The following INPP4B variants were observed in gnomAD, a reference collection of about 807,000 sequenced individuals.
The protein encoded by INPP4B is inositol polyphosphate 4-phosphatase type II.
Under a neutral mutation model 122.5 loss-of-function variants are expected in INPP4B, and 55 were observed. That is an observed-to-expected ratio of 0.45 (90% confidence interval 0.36 to 0.56). The LOEUF is 0.56. Among genes scored for constraint, INPP4B ranks in the 20% least tolerant of loss-of-function variants. The pLI is 0.00. For synonymous variants in INPP4B, 403 were observed against 388.7 expected (o/e 1.04, Z -0.43); for missense variants, 1,000 against 1,097.7 (o/e 0.91, Z 1.26).
intron 2 of INPP4B, among the ~76,000 whole-genome samples, chr4:142,649,831 G>A (rs1752566973): frequency 6.6e-6 from 1 of 152,162 alleles, no homozygotes; most frequent in Admixed American, 6.5e-5. Flanking sequence ...ACCTAGCAAA[G>A]CAGGCCAACA....
intron 1 of INPP4B, among the ~76,000 whole-genome samples, chr4:142,761,931 G>A (rs1006142480): frequency 2.0e-5 from 3 of 152,138 alleles, no homozygotes; most frequent in Admixed American, 2.0e-4. Flanking sequence ...GAACTAGCCA[G>A]ATTATGGTTC....
At chr4:142,385,215 C>T (rs1389182036) in intron 7 of INPP4B, among the ~76,000 whole-genome samples, 1 of 152,210 alleles carries the variant, frequency 6.6e-6, no homozygotes, top group Non-Finnish European at 1.5e-5. Flanking sequence ...AACTAATTTA[C>T]ACTCCCACTA....
intron 9 of INPP4B, among the ~76,000 whole-genome samples, chr4:142,302,708 T>A (rs984895760): frequency 6.6e-6 from 1 of 152,122 alleles, no homozygotes; most frequent in Non-Finnish European, 1.5e-5. Context: ...ATTATAATCC[T>A]CCATACAGAA....
chr4:142,331,519 C>T (rs1430772885), intron 7 of INPP4B, among the ~76,000 whole-genome samples: 1 of 152,140 alleles, frequency 6.6e-6, no homozygotes, highest in East Asian at 1.9e-4. Flanking sequence ...CAATCATCCC[C>T]CCTCTCACAT....
At chr4:142,366,763 G>A (rs1184270896) in intron 7 of INPP4B, among the ~76,000 whole-genome samples, 1 of 152,130 alleles carries the variant, frequency 6.6e-6, no homozygotes, top group Non-Finnish European at 1.5e-5. Flanking sequence ...GAAAGAAAGA[G>A]TGAAAGTTTG....
intron 2 of INPP4B, among the ~76,000 whole-genome samples, chr4:142,654,140 T>C (rs748276561): frequency 1.3e-5 from 2 of 152,018 alleles, no homozygotes; most frequent in Non-Finnish European, 2.9e-5. Flanking sequence ...AAACACCACA[T>C]GTTCTCACTC....
chr4:142,113,987 C>T (rs1435694007), intron 21 of INPP4B, among the ~76,000 whole-genome samples: 4 of 151,958 alleles, frequency 2.6e-5, no homozygotes, highest in Non-Finnish European at 5.9e-5. Context: ...CCCAGAAAGC[C>T]ACACATCTAT....
intron 2 of INPP4B, among the ~76,000 whole-genome samples, chr4:142,577,033 G>T (rs1257523503): frequency 1.3e-5 from 2 of 151,912 alleles, no homozygotes; most frequent in Admixed American, 1.3e-4. Context: ...AAGTAATAAA[G>T]TATCCAATAG....
At chr4:142,679,860 A>C (rs561327436) in intron 2 of INPP4B, among the ~76,000 whole-genome samples, 54 of 151,916 alleles carry the variant, frequency 3.6e-4, no homozygotes, top group Non-Finnish European at 6.3e-4. Flanking sequence ...GCATTAATAG[A>C]GCTGTATACC....
chr4:142,111,345 C>CT lies in INPP4B; in HGVS notation c.2276+1196dup, dbSNP rs776068973. ...ATATTTCAAAAGTATGTTCTATGAT[C>CT]TTTTTTTGTTTGTTTTTTGAGACGG... On this transcript the variant is annotated intron_variant, in intron 22 of 25. Coordinates refer to ENST00000262992, the MANE Select transcript of INPP4B (RefSeq NM_001101669.3). Among the ~76,000 whole-genome samples the CT allele has an allele frequency of 3.3e-5, 5 of 152,034 alleles. No homozygotes were observed. In the East Asian group the frequency reaches 5.8e-4, roughly 18 times the overall value.
intron 12 of INPP4B, among the ~76,000 whole-genome samples, chr4:142,211,643 G>A (rs1844942955): frequency 6.6e-6 from 1 of 152,162 alleles, no homozygotes; most frequent in Non-Finnish European, 1.5e-5. Flanking sequence ...ATCTAAAGAA[G>A]TCATCTGGAA....
intron 2 of INPP4B, among the ~76,000 whole-genome samples, chr4:142,498,660 A>C (rs1462969368): frequency 1.3e-5 from 2 of 151,948 alleles, no homozygotes; most frequent in Non-Finnish European, 2.9e-5. Flanking sequence ...GTATGGTGGC[A>C]TCTGCCTGTA....
chr4:142,190,717 A>AGAGT (rs1554001496), intron 15 of INPP4B, among the ~76,000 whole-genome samples: 8 of 143,896 alleles, frequency 5.6e-5, no homozygotes, highest in African/African-American at 2.1e-4. Context: ...GATCTGTAAG[A>AGAGT]GTGTGTGTGT....
At chr4:142,726,723 C>T (rs550305739) in intron 1 of INPP4B, among the ~76,000 whole-genome samples, 57 of 152,264 alleles carry the variant, frequency 3.7e-4, no homozygotes, top group African/African-American at 1.3e-3. Context: ...TTTAAAACAA[C>T]ATTGATTAAT....
chr4:142,606,736 C>A (rs1327168838), intron 2 of INPP4B, among the ~76,000 whole-genome samples: 1 of 151,976 alleles, frequency 6.6e-6, no homozygotes, highest in Non-Finnish European at 1.5e-5. Context: ...GGCAATGTTT[C>A]TGTTTCATTA....
At chr4:142,102,395 A>G (rs1561123251) in intron 23 of INPP4B, among the ~76,000 whole-genome samples, 1 of 151,996 alleles carries the variant, frequency 6.6e-6, no homozygotes, top group Non-Finnish European at 1.5e-5. Flanking sequence ...AAAGAATTTA[A>G]AAGGACATCA....
At chr4:142,773,256 G>A (rs1773363396) in intron 1 of INPP4B, among the ~76,000 whole-genome samples, 1 of 152,004 alleles carries the variant, frequency 6.6e-6, no homozygotes, top group African/African-American at 2.4e-5. Flanking sequence ...ACTCTAGTGT[G>A]GCACAAGAGC....
rs893033046 is a variant in INPP4B, at chr4:142,024,370, A to G, written c.*4412T>C. 2 of 152,184 alleles carry G rather than the reference A, an allele frequency of 1.3e-5. No individual in the cohort carries two copies. The highest frequency in any genetic ancestry group is 2.9e-5 in the Non-Finnish European group (2 of 68,018). 9.4% of individuals were successfully genotyped at this position (152,184 alleles called of 1,614,324 possible). A position where few individuals can be genotyped will look rare whatever the true frequency, so the allele number is the denominator to read the frequency against. On this transcript the variant is annotated 3_prime_UTR_variant, in exon 26 of 26. Transcript: ENST00000262992. The stretch of plus-strand genomic sequence containing the variant: ...TGAATTCACACTAAAATTGTCAATC[A>G]GCTACACATCTCTCACCAAATCATT...
intron 14 of INPP4B, among the ~76,000 whole-genome samples, chr4:142,194,952 T>C (rs1264466918): frequency 6.6e-6 from 1 of 152,208 alleles, no homozygotes; most frequent in East Asian, 1.9e-4. Context: ...AGAAAAATGA[T>C]GCTGGGGCTC....
Sources: allele counts gnomAD v4.1 joint callset (sites outside exome capture counted in the v4.1 genomes callset), GRCh38; gene constraint gnomAD v4.1.1; transcripts MANE v1.5; gene names NCBI Gene and HGNC (gene_info 2026-07-23, HGNC 2026-07-21).